ITPR1: variants seen among roughly 807,000 people sequenced by gnomAD.
ITPR1 encodes the protein inositol 1,4,5-trisphosphate-gated calcium channel ITPR1.
In ITPR1, 96 loss-of-function variants were observed where a neutral mutation model predicts 318.4. The observed-to-expected ratio is 0.30, with a 90% CI of 0.26 to 0.36. The LOEUF is 0.36. ITPR1 is among the 10% of genes least tolerant of loss of function. The pLI, the probability that ITPR1 is intolerant of heterozygous loss-of-function variation, is 1.00. For synonymous variants in ITPR1, 1,312 were observed against 1,289.9 expected (o/e 1.02, Z -0.37); for missense variants, 2,440 against 3,460.2 (o/e 0.71, Z 7.40).
At chr3:4,683,948 T>G in intron 28 of ITPR1, 150 bp downstream of exon 28, 1 of 791,862 alleles carries the variant, frequency 1.3e-6, no homozygotes, top group Non-Finnish European at 2.0e-6. Context: ...GCTGTTTGCC[T>G]AGGAAATAAG....
chr3:4,568,356 C>T lies in ITPR1; in HGVS notation c.163+47262C>T, dbSNP rs529595167. On this transcript the variant is annotated intron_variant, in intron 4 of 61. Transcript: ENST00000649015. ...TTCTCTTTTATTCTTCTCCCCTTTG[C>T]TCACTCCACAGAGCTTTGCTGAACA... Among the ~76,000 whole-genome samples the T allele has an allele frequency of 7.9e-5, 12 of 152,360 alleles. No homozygotes were observed. The South Asian group carries it at 2.5e-3, about 32-fold the overall frequency.
At chr3:4,599,663 G>C (rs2091119575) in intron 4 of ITPR1, among the ~76,000 whole-genome samples, 1 of 152,220 alleles carries the variant, frequency 6.6e-6, no homozygotes, top group Non-Finnish European at 1.5e-5. Flanking sequence ...CTCTAAACGT[G>C]AAAATGGTTG....
At chr3:4,756,069 G>A (rs948624875) in intron 44 of ITPR1, among the ~76,000 whole-genome samples, 1 of 152,152 alleles carries the variant, frequency 6.6e-6, no homozygotes, top group Non-Finnish European at 1.5e-5. Context: ...CCAAGGGAGG[G>A]TCCAATTCTG....
intron 4 of ITPR1, among the ~76,000 whole-genome samples, chr3:4,604,206 C>G (rs555163640): frequency 1.3e-5 from 2 of 152,250 alleles, no homozygotes; most frequent in African/African-American, 2.4e-5. Context: ...GAGGCACATA[C>G]ATTTAACAGA....
chr3:4,537,561 A>C (rs2083987314), intron 4 of ITPR1, among the ~76,000 whole-genome samples: 1 of 152,166 alleles, frequency 6.6e-6, no homozygotes, highest in African/African-American at 2.4e-5. Context: ...GGCTCTTGAG[A>C]TGGGGAGAGT....
intron 46 of ITPR1, 68 bp downstream of exon 46, chr3:4,768,832 T>C: frequency 1.3e-6 from 2 of 1,493,762 alleles, no homozygotes; most frequent in Non-Finnish European, 1.8e-6. Flanking sequence ...CTTCCTCTGA[T>C]GGTTCAGCAC....
chr3:4,673,634 C>G (rs530926977), intron 21 of ITPR1, among the ~76,000 whole-genome samples: 2 of 152,208 alleles, frequency 1.3e-5, no homozygotes, highest in Admixed American at 6.5e-5. Flanking sequence ...CCAGGCTGAA[C>G]TGCAGTGGCG....
chr3:4,829,823 T>TA lies in ITPR1; in HGVS notation c.8029-6946dup, dbSNP rs575272199. Among the ~76,000 whole-genome samples, 25 of 152,144 alleles carry TA rather than the reference T, an allele frequency of 1.6e-4. No homozygotes were observed. In the South Asian group the frequency reaches 5.2e-3, roughly 32 times the overall value. On this transcript the variant is annotated intron_variant, in intron 60 of 61. Coordinates refer to ENST00000649015, the MANE Select transcript of ITPR1 (RefSeq NM_001378452.1). ...ATATCACACAGAATAGTTTCTGCTC[T>TA]AAAAATCCTCTGCACACCTCCTATT...
At chr3:4,707,996 T>C (rs2094794846) in intron 37 of ITPR1, among the ~76,000 whole-genome samples, 1 of 152,070 alleles carries the variant, frequency 6.6e-6, no homozygotes, top group South Asian at 2.1e-4. Flanking sequence ...TATAAAATGG[T>C]GAGAGGGACA....
intron 55 of ITPR1, among the ~76,000 whole-genome samples, chr3:4,810,769 C>A (rs955601784): frequency 1.3e-5 from 2 of 152,196 alleles, no homozygotes; most frequent in African/African-American, 4.8e-5. Context: ...ATACGGTGGA[C>A]AGTAGCTGAG....
At chr3:4,831,123 T>TCA (rs1318497804) in intron 60 of ITPR1, 30 of 248,646 alleles carry the variant, frequency 1.2e-4, no homozygotes, top group South Asian at 5.1e-4. Flanking sequence ...TCTCTCTCTC[T>TCA]CTCTCTCTCA....
intron 60 of ITPR1, among the ~76,000 whole-genome samples, chr3:4,819,982 G>A (rs1258374090): frequency 2.0e-5 from 3 of 152,150 alleles, no homozygotes; most frequent in Admixed American, 1.3e-4. Flanking sequence ...TGTAGAAATC[G>A]CACTCCATAA....
At chr3:4,812,039 CTTTT>C (rs9311415) in intron 56 of ITPR1, among the ~76,000 whole-genome samples, 5 of 137,900 alleles carry the variant, frequency 3.6e-5, no homozygotes, top group Non-Finnish European at 3.1e-5. Context: ...ACATGTATGT[CTTTT>C]TTTTTTTTTT....
chr3:4,733,760 T>G lies in ITPR1; in HGVS notation c.5353+540T>G, dbSNP rs78030769. 5.2e-3 allele frequency among the ~76,000 whole-genome samples: 788 copies of G among 152,312 alleles called. 5 individuals carry two copies. Among genetic ancestry groups the G allele is most frequent in the African/African-American group, 0.018 (736 of 41,564 alleles). On this transcript the variant is annotated intron_variant, in intron 43 of 61. Transcript: ENST00000649015. ...GTCTGTAATTTCAGCCTGGTATATCTAATTCTAATGCCCATGCTGTGTACA... is the reference window on the plus strand; with the variant it reads ...GTCTGTAATTTCAGCCTGGTATATCGAATTCTAATGCCCATGCTGTGTACA...
intron 24 of ITPR1, among the ~76,000 whole-genome samples, chr3:4,679,553 A>C (rs879738653): frequency 6.6e-6 from 1 of 152,184 alleles, no homozygotes; most frequent in African/African-American, 2.4e-5. Context: ...TGTTTGCTCT[A>C]TCCAGGCCCT....
chr3:4,541,268 C>A (rs1426876347), intron 4 of ITPR1, among the ~76,000 whole-genome samples: 2 of 152,028 alleles, frequency 1.3e-5, no homozygotes, highest in African/African-American at 4.8e-5. Context: ...TTTGGAGAAT[C>A]TGTTAGTGGT....
intron 60 of ITPR1, chr3:4,831,085 C>T (rs2050450647): frequency 2.2e-6 from 1 of 450,248 alleles, no homozygotes; most frequent in South Asian, 1.6e-5. Flanking sequence ...ATCCAACTTC[C>T]TCCTCCGTCT....
At chr3:4,829,155 T>C (rs2050270908) in intron 60 of ITPR1, among the ~76,000 whole-genome samples, 1 of 152,308 alleles carries the variant, frequency 6.6e-6, no homozygotes, top group Non-Finnish European at 1.5e-5. Context: ...AGGTGATCTC[T>C]TTCAAAAAAG....
intron 31 of ITPR1, among the ~76,000 whole-genome samples, chr3:4,688,931 T>A (rs959757223): frequency 1.3e-5 from 2 of 152,244 alleles, no homozygotes; most frequent in African/African-American, 2.4e-5. Context: ...ATGTCTCTCC[T>A]GCCACCTGCT....
Sources: gnomAD v4.1 joint callset for allele counts (sites outside exome capture counted in the v4.1 genomes callset) on GRCh38, gnomAD v4.1.1 for gene constraint, MANE v1.5 for transcripts, NCBI Gene and HGNC (gene_info 2026-07-23, HGNC 2026-07-21) for gene names.